The following SPAG17 variants were observed in gnomAD, a reference collection of about 807,000 sequenced individuals.
SPAG17 encodes sperm associated antigen 17.
Under a neutral mutation model 273.6 loss-of-function variants are expected in SPAG17, and 169 were observed. The observed-to-expected ratio is 0.62, with a 90% CI of 0.55 to 0.70. The LOEUF is 0.70. SPAG17 is among the 30% of genes least tolerant of loss of function. SPAG17 has a pLI of 0.00. For missense variants in SPAG17, 2,557 were observed against 2,627.8 expected (o/e 0.97, Z 0.59); for synonymous variants, 825 against 873.2 (o/e 0.94, Z 0.97).
At chr1:118,150,796 G>A (rs1255064189) in intron 2 of SPAG17, among the ~76,000 whole-genome samples, 167 bp from the exon 3 acceptor site, 4 of 152,218 alleles carry the variant, frequency 2.6e-5, no homozygotes, top group Non-Finnish European at 4.4e-5. Context: ...TAAGCTGTCA[G>A]TAATTGTATG....
At position 117,991,435 on chromosome 1, in the gene SPAG17, C is replaced by T. The variant is rs374485313; in HGVS notation, c.5455G>A (p.Asp1819Asn). The change falls in exon 37 of 49, where the codon GAT becomes AAT. Residue 1819 changes from aspartate (D) to asparagine (N), a missense_variant. Transcript: ENST00000336338. ...RTEEERGNAA[D>N]LLKLVMSFPK... ...CTCACCATAACCAGCTTGAGGAGATCAGCAGCATTGCCTCTCTCCTCCTCA... is the reference window on the plus strand; with the variant it reads ...CTCACCATAACCAGCTTGAGGAGATTAGCAGCATTGCCTCTCTCCTCCTCA... The T allele has an allele frequency of 6.2e-7, 1 of 1,607,902 alleles. No individual in the cohort carries two copies. Among genetic ancestry groups the T allele is most frequent in the Non-Finnish European group, 8.5e-7 (1 of 1,176,106 alleles).
intron 29 of SPAG17, among the ~76,000 whole-genome samples, chr1:118,014,190 G>T (rs1403198177): frequency 6.6e-6 from 1 of 152,150 alleles, no homozygotes; most frequent in Non-Finnish European, 1.5e-5. Context: ...GTAGTTTGTT[G>T]TGAGAATTGA....
chr1:118,025,948 C>T (rs1185976722), intron 26 of SPAG17, among the ~76,000 whole-genome samples: 1 of 152,134 alleles, frequency 6.6e-6, no homozygotes, highest in African/African-American at 2.4e-5. Flanking sequence ...CATGTGTAAG[C>T]CACTCTCTCT....
intron 3 of SPAG17, among the ~76,000 whole-genome samples, chr1:118,130,323 C>A (rs1391602238): frequency 6.6e-6 from 1 of 152,168 alleles, no homozygotes; most frequent in Non-Finnish European, 1.5e-5. Context: ...TACCCCACAA[C>A]TATTAAATCA....
intron 28 of SPAG17, among the ~76,000 whole-genome samples, chr1:118,022,813 G>A (rs1039117855): frequency 2.6e-5 from 4 of 152,118 alleles, no homozygotes; most frequent in Admixed American, 6.6e-5. Context: ...GGTCTGCTGG[G>A]GTGACAGGTG....
At chr1:118,178,946 T>C (rs149789327) in intron 1 of SPAG17, among the ~76,000 whole-genome samples, 7 of 152,000 alleles carry the variant, frequency 4.6e-5, no homozygotes, top group Admixed American at 1.3e-4. Context: ...ATGTAAGAGA[T>C]TGAAGAGGAT....
chr1:118,184,601 C>T (rs769822339), intron 1 of SPAG17, among the ~76,000 whole-genome samples: 2 of 152,162 alleles, frequency 1.3e-5, no homozygotes, highest in Non-Finnish European at 2.9e-5. Flanking sequence ...ATACAAGGCT[C>T]GCTTGTACTA....
chr1:118,097,762 T>C lies in SPAG17; in HGVS notation c.919A>G (p.Lys307Glu), dbSNP rs769037394. ...KYLEPVLNNE[K>E]PETNLFDVAR... ...ACATCAAAGAGATTTGTTTCAGGTT[T>C]CTCATTATTCAGGACTGGTTCCAAG... The change falls in exon 7 of 49, where the codon AAA (lysine) becomes GAA (glutamate). Residue 307 changes from lysine (K) to glutamate (E), a missense_variant. Lys to Glu is a moderately conservative substitution (Grantham distance 56, BLOSUM62 1). Coordinates refer to ENST00000336338, the MANE Select transcript of SPAG17 (RefSeq NM_206996.4). The C allele has an allele frequency of 4.2e-5, 68 of 1,611,198 alleles. No individual in the cohort carries two copies. Among genetic ancestry groups the C allele is most frequent in the Non-Finnish European group, 5.4e-5 (64 of 1,179,018 alleles).
At position 117,966,605 on chromosome 1, in the gene SPAG17, A is replaced by T; in HGVS notation, c.6532+4T>A. 1 of 1,602,360 alleles carries T rather than the reference A, an allele frequency of 6.2e-7. No homozygotes were observed. The highest frequency in any genetic ancestry group is 8.5e-7 in the Non-Finnish European group (1 of 1,176,110). Reference sequence around the variant, plus strand: ...GATTACTCAAGTTGAACTTTAAAGGATATTTGCTTCCACAGGTAGGAACAG... The same window carrying T: ...GATTACTCAAGTTGAACTTTAAAGGTTATTTGCTTCCACAGGTAGGAACAG... On this transcript the variant is annotated splice_donor_region_variant and intron_variant, in intron 47 of 48. Coordinates refer to ENST00000336338, the MANE Select transcript of SPAG17 (RefSeq NM_206996.4).
intron 1 of SPAG17, among the ~76,000 whole-genome samples, chr1:118,165,626 T>C (rs1421272211): frequency 6.9e-6 from 1 of 145,460 alleles, no homozygotes; most frequent in African/African-American, 2.5e-5. Context: ...CAAGTGTAAA[T>C]TAAAAAAAAA....
intron 4 of SPAG17, among the ~76,000 whole-genome samples, chr1:118,103,160 G>C (rs766231413): frequency 6.6e-6 from 1 of 152,138 alleles, no homozygotes; most frequent in Non-Finnish European, 1.5e-5. Context: ...TAGGGGCGAA[G>C]AAGAAAATAC....
chr1:118,051,546 C>T (rs1225379245), intron 20 of SPAG17, among the ~76,000 whole-genome samples: 1 of 149,828 alleles, frequency 6.7e-6, no homozygotes, highest in Non-Finnish European at 1.5e-5. Context: ...ATTTGAGATA[C>T]ACACACACAC....
At chr1:118,151,432 A>G in intron 1 of SPAG17, 63 bp from the exon 2 acceptor site, 1 of 1,401,506 alleles carries the variant, frequency 7.1e-7, no homozygotes, top group Non-Finnish European at 9.7e-7. Flanking sequence ...CGTGTCAAAT[A>G]TTTCCACTGA....
At chr1:118,010,282 AAC>A (rs1557902283) in intron 30 of SPAG17, among the ~76,000 whole-genome samples, 58 of 133,400 alleles carry the variant, frequency 4.3e-4, no homozygotes, top group African/African-American at 1.4e-3. Context: ...AGGCAACCGT[AAC>A]CGTGCTACTC....
chr1:117,990,874 A>T lies in SPAG17; in HGVS notation c.5508T>A (p.Ser1836Arg). 6.4e-7 allele frequency: 1 copy of T among 1,573,398 alleles called. No individual in the cohort carries two copies. Among genetic ancestry groups the T allele is most frequent in the Non-Finnish European group, 8.7e-7 (1 of 1,154,034 alleles). Residue 1836 changes from serine (S) to arginine (R), a missense_variant, in exon 38 of 49, where the codon AGT (serine) becomes AGA (arginine). Transcript: ENST00000336338. Reference sequence around the variant, plus strand: ...AATGCAACTTACCTTCAGTAACATGACTTTTTGTAGTTTCCTCCATTTTAG... The same window carrying T: ...AATGCAACTTACCTTCAGTAACATGTCTTTTTGTAGTTTCCTCCATTTTAG... ...SFPKMEETTK[S>R]HVTEVAAHLT...
chr1:118,135,393 G>A (rs566866460), intron 3 of SPAG17, among the ~76,000 whole-genome samples: 11 of 150,810 alleles, frequency 7.3e-5, no homozygotes, highest in East Asian at 1.9e-4. Flanking sequence ...GTGTGTGTGT[G>A]TGTGTGTGTG....
At chr1:118,043,693 A>AT (rs1170292570) in intron 20 of SPAG17, among the ~76,000 whole-genome samples, 1 of 152,182 alleles carries the variant, frequency 6.6e-6, no homozygotes, top group African/African-American at 2.4e-5. Flanking sequence ...GTCAGGACTG[A>AT]TTGATTGTTT....
At chr1:118,028,234 TTGCTCCC>T (rs1402697823) in intron 26 of SPAG17, 33 bp downstream of exon 26, 1 of 1,577,452 alleles carries the variant, frequency 6.3e-7, no homozygotes, top group East Asian at 2.3e-5. Context: ...ACGTGACATT[TTGCTCCC>T]TGCTTCCCCA....
Position 118,028,401 on chromosome 1 carries a change from A to T in SPAG17, c.3610-7T>A, listed in dbSNP as rs780438848. On this transcript the variant is annotated splice_region_variant and splice_polypyrimidine_tract_variant and intron_variant, in intron 25 of 48. Coordinates refer to ENST00000336338, the MANE Select transcript of SPAG17 (RefSeq NM_206996.4). ...CTGGTTCTACTTCTTCTTCCTGTAA[A>T]TAATTCAGCATGTGAATAATGGGCT... 2.0e-5 allele frequency: 32 copies of T among 1,611,878 alleles called. No individual in the cohort carries two copies. The highest frequency in any genetic ancestry group is 8.4e-5 in the Admixed American group (5 of 59,482).
Sources: allele counts gnomAD v4.1 joint callset (sites outside exome capture counted in the v4.1 genomes callset), GRCh38; gene constraint gnomAD v4.1.1; transcripts MANE v1.5; gene names NCBI Gene and HGNC (gene_info 2026-07-23, HGNC 2026-07-21).